POLE2: variants seen among roughly 807,000 people sequenced by gnomAD.
POLE2 encodes DNA polymerase epsilon 2, accessory subunit, also known as DNA polymerase epsilon subunit 2.
A neutral mutation model predicts 79.4 loss-of-function variants in POLE2; 56 were observed. The ratio of observed to expected loss-of-function variants is 0.71; its 90% CI spans 0.57 to 0.88. POLE2 has a LOEUF of 0.88. Ranked by LOEUF, POLE2 falls within the 40% of genes least tolerant of loss-of-function variation. The probability of loss-of-function intolerance (pLI) is 0.00; values close to 1 mark genes in which losing one functional copy is unlikely to be tolerated. For synonymous variants in POLE2, 212 were observed against 214.0 expected (o/e 0.99, Z 0.08); for missense variants, 598 against 638.9 (o/e 0.94, Z 0.69).
chr14:49,647,269 TG>T, intron 18 of POLE2, 23 bp downstream of exon 18: 1 of 1,231,354 alleles, frequency 8.1e-7, no homozygotes, highest in Non-Finnish European at 1.2e-6. Flanking sequence ...AGATCTTTCT[TG>T]CTGTGTCTGT....
chr14:49,649,365 CT>C (rs2139606367), intron 17 of POLE2, among the ~76,000 whole-genome samples: 2 of 151,038 alleles, frequency 1.3e-5, no homozygotes, highest in East Asian at 4.0e-4. Context: ...CCAGGATGGT[CT>C]CGATCTCCTG....
chr14:49,688,132 T>G lies in POLE2; in HGVS notation c.68+4A>C, dbSNP rs368671562. The G allele has an allele frequency of 1.9e-6, 3 of 1,551,648 alleles. No homozygotes were observed. The highest frequency in any genetic ancestry group is 2.6e-6 in the Non-Finnish European group (3 of 1,148,760). On this transcript the variant is annotated splice_donor_region_variant and intron_variant, in intron 1 of 18. Coordinates refer to ENST00000216367, the MANE Select transcript of POLE2 (RefSeq NM_002692.4). ...CGCCCTTCAAGCTGCCCGAGCCCAC[T>G]CACCCACGGAGCAGCAAGCCCCGCA...
At chr14:49,659,303 C>T (rs983411584) in intron 10 of POLE2, among the ~76,000 whole-genome samples, 7 of 151,718 alleles carry the variant, frequency 4.6e-5, no homozygotes, top group African/African-American at 1.7e-4. Flanking sequence ...ACTTGGGAAG[C>T]TGAGGCAGGA....
chr14:49,652,525 C>T (rs1884346467), intron 15 of POLE2, among the ~76,000 whole-genome samples: 1 of 152,128 alleles, frequency 6.6e-6, no homozygotes, highest in Non-Finnish European at 1.5e-5. Flanking sequence ...AGCCACTCCC[C>T]ATCGGTTGTA....
intron 13 of POLE2, 23 bp from the exon 14 acceptor site, chr14:49,654,237 T>G: frequency 6.5e-7 from 1 of 1,538,042 alleles, no homozygotes; most frequent in South Asian, 1.1e-5. Context: ...TCAACACAAT[T>G]CATTTAAAAA....
chr14:49,674,276 A>T lies in POLE2; in HGVS notation c.324-60T>A. Reference sequence around the variant, plus strand: ...AATACACAAAGGTGAGCCAAAAGTGAAGCAAGAGACTATACCTTCTGAAAA... The same window carrying T: ...AATACACAAAGGTGAGCCAAAAGTGTAGCAAGAGACTATACCTTCTGAAAA... On this transcript the variant is annotated intron_variant, in intron 4 of 18. Coordinates refer to ENST00000216367, the MANE Select transcript of POLE2 (RefSeq NM_002692.4). 3 of 1,456,908 alleles carry T rather than the reference A, an allele frequency of 2.1e-6. No homozygotes were observed. The South Asian group carries it at 3.4e-5, about 17-fold the overall frequency. 90.2% of individuals were successfully genotyped at this position (1,456,908 alleles called of 1,614,324 possible).
intron 12 of POLE2, 79 bp downstream of exon 12, chr14:49,654,926 T>C (rs888559387): frequency 1.5e-4 from 201 of 1,367,056 alleles, no homozygotes; most frequent in Non-Finnish European, 1.8e-4. Flanking sequence ...TATTCTTAAT[T>C]AAAATATTAT....
At chr14:49,662,715 G>A (rs933272527) in intron 10 of POLE2, among the ~76,000 whole-genome samples, 2 of 152,144 alleles carry the variant, frequency 1.3e-5, no homozygotes, top group Admixed American at 6.6e-5. Context: ...TTTATACACT[G>A]GAAACTAACT....
intron 3 of POLE2, among the ~76,000 whole-genome samples, chr14:49,676,682 T>C (rs1886299000): frequency 6.6e-6 from 1 of 152,246 alleles, no homozygotes; most frequent in South Asian, 2.1e-4. Context: ...GGGATGGGCC[T>C]GAGCCATGCA....
rs1471326679 is a variant in POLE2 at position 49,650,324 on chromosome 14, T to G, written c.1438A>C (p.Ile480Leu). ...GTGAAAGGATCATATTTGTCTGCAA[T>G]GACAAGTAGATCGGGCACAGGATAC... Reference protein sequence around the residue: ...RVYPVPDLLVIADKYDPFTTT... With the variant: ...RVYPVPDLLVLADKYDPFTTT... The change falls in exon 17 of 19, where the codon ATT becomes CTT. Residue 480 changes from isoleucine to leucine, a missense_variant. Coordinates refer to ENST00000216367, the MANE Select transcript of POLE2 (RefSeq NM_002692.4). 1 of 1,611,344 alleles carries G rather than the reference T, an allele frequency of 6.2e-7. No individual in the cohort carries two copies. Among genetic ancestry groups the G allele is most frequent in the Non-Finnish European group, 8.5e-7 (1 of 1,178,426 alleles).
intron 10 of POLE2, among the ~76,000 whole-genome samples, chr14:49,659,784 G>A (rs761442831): frequency 6.6e-6 from 1 of 151,982 alleles, no homozygotes; most frequent in Non-Finnish European, 1.5e-5. Context: ...ATGAGGTTTT[G>A]TTATGTTGTC....
chr14:49,667,414 A>G (rs1367484338), intron 6 of POLE2, among the ~76,000 whole-genome samples: 2 of 152,174 alleles, frequency 1.3e-5, no homozygotes, highest in East Asian at 3.8e-4. Context: ...AAGAATAGAG[A>G]TATCTATATT....
At position 49,674,108 on chromosome 14, in the gene POLE2, C is replaced by T. The variant is rs755159439; in HGVS notation, c.417+15G>A. ...TTTACCCAGTATCCTCCCCTCCGCC[C>T]CCTACCAAACTTACCTGGTGCAAAA... On this transcript the variant is annotated intron_variant, in intron 5 of 18. Transcript: ENST00000216367. 2 of 1,463,736 alleles carry T rather than the reference C, an allele frequency of 1.4e-6. No individual in the cohort carries two copies. The highest frequency in any genetic ancestry group is 3.3e-5 in the Admixed American group (2 of 59,794). 90.7% of individuals were successfully genotyped at this position (1,463,736 alleles called of 1,614,324 possible).
intron 1 of POLE2, among the ~76,000 whole-genome samples, chr14:49,685,541 T>C (rs750447712): frequency 1.5e-4 from 23 of 152,168 alleles, no homozygotes; most frequent in Non-Finnish European, 2.8e-4. Flanking sequence ...TTCCTGGCAC[T>C]CTCCTGCTTT....
At chr14:49,680,620 A>C (rs911161750) in intron 2 of POLE2, among the ~76,000 whole-genome samples, 1 of 152,190 alleles carries the variant, frequency 6.6e-6, no homozygotes, top group Non-Finnish European at 1.5e-5. Context: ...AATTTTGCCC[A>C]AAAACTAGAA....
At chr14:49,660,082 G>A (rs548795173) in intron 10 of POLE2, among the ~76,000 whole-genome samples, 2 of 152,188 alleles carry the variant, frequency 1.3e-5, no homozygotes, top group South Asian at 4.1e-4. Context: ...GTTCCATACA[G>A]GTGTACCAAT....
At chr14:49,684,684 A>C (rs1594625063) in intron 1 of POLE2, 1 of 150,452 alleles carries the variant, frequency 6.6e-6, no homozygotes, top group African/African-American at 2.4e-5. Flanking sequence ...AAAAAAAAAA[A>C]ATCATGGCTG....
chr14:49,682,667 G>T (rs1389200045), intron 2 of POLE2, among the ~76,000 whole-genome samples: 2 of 89,294 alleles, frequency 2.2e-5, no homozygotes, highest in Admixed American at 1.1e-4. Context: ...AAAAAAAAAA[G>T]TCTATTTTCT....
rs766960948 is a variant in POLE2, at chr14:49,654,845, T to A, written c.1019-7A>T. ...GCCAAAGTTTTTAGGGAATCTAAAA[T>A]TTTAAAAAGGTATTGAATTAAATTT... On this transcript the variant is annotated splice_region_variant and splice_polypyrimidine_tract_variant and intron_variant, in intron 12 of 18. Coordinates refer to ENST00000216367, the MANE Select transcript of POLE2 (RefSeq NM_002692.4). 6.7e-7 allele frequency: 1 copy of A among 1,489,978 alleles called. No homozygotes were observed. The highest frequency in any genetic ancestry group is 2.5e-5 in the East Asian group (1 of 39,418). 92.3% of individuals were successfully genotyped at this position (1,489,978 alleles called of 1,614,324 possible). A position where few individuals can be genotyped will look rare whatever the true frequency, so the allele number is the denominator to read the frequency against.
Sources: gnomAD v4.1 joint callset for allele counts (sites outside exome capture counted in the v4.1 genomes callset) on GRCh38, gnomAD v4.1.1 for gene constraint, MANE v1.5 for transcripts, NCBI Gene and HGNC (gene_info 2026-07-23, HGNC 2026-07-21) for gene names.